Variants in MORC1 observed in about 807,000 individuals in gnomAD.
MORC1 encodes the protein MORC family CW-type zinc finger protein 1.
MORC1 carries 59 observed loss-of-function variants against 134.9 expected under a neutral mutation model. That is an observed-to-expected ratio of 0.44 (90% CI 0.35 to 0.54). The LOEUF is 0.54. Among genes scored for constraint, MORC1 ranks in the 20% least tolerant of loss-of-function variants. The probability of loss-of-function intolerance (pLI) is 0.00; values close to 1 mark genes in which losing one functional copy is unlikely to be tolerated. For synonymous variants in MORC1, 395 were observed against 391.7 expected, an observed-to-expected ratio of 1.01 and a Z score of -0.10; for missense variants, 947 against 1,134.5, an observed-to-expected ratio of 0.83 and a Z score of 2.37.
intron 8 of MORC1, among the ~76,000 whole-genome samples, chr3:109,078,000 GAC>G: frequency 6.6e-6 from 1 of 152,156 alleles, no homozygotes; most frequent in East Asian, 1.9e-4. Context: ...GGAAATAACA[GAC>G]ACAGACGGGC....
intron 14 of MORC1, among the ~76,000 whole-genome samples, chr3:109,043,186 TGTG>T (rs1949598389): frequency 2.1e-4 from 3 of 13,970 alleles, no homozygotes; most frequent in South Asian, 4.5e-3. Flanking sequence ...TGTGGCAAAA[TGTG>T]GGGGGGGGGG....
At chr3:108,995,785 G>C (rs893349941) in intron 21 of MORC1, among the ~76,000 whole-genome samples, 1 of 152,104 alleles carries the variant, frequency 6.6e-6, no homozygotes. Context: ...CATGGATGAT[G>C]GATTGGTCTT....
chr3:109,003,262 C>CATAT (rs60788462), intron 20 of MORC1, among the ~76,000 whole-genome samples: 6,740 of 149,528 alleles, frequency 0.045, 313 homozygotes, highest in Middle Eastern at 0.11. Flanking sequence ...TAAAATTATA[C>CATAT]ATATATATAT....
At chr3:108,994,540 T>C (rs1310723559) in intron 21 of MORC1, among the ~76,000 whole-genome samples, 8 of 152,150 alleles carry the variant, frequency 5.3e-5, no homozygotes, top group Non-Finnish European at 1.2e-4. Flanking sequence ...AAGATTATTA[T>C]TATAAAATAT....
chr3:108,996,284 GCGCACACA>G (rs1177863082), intron 21 of MORC1, among the ~76,000 whole-genome samples: 2 of 77,536 alleles, frequency 2.6e-5, no homozygotes, highest in South Asian at 3.6e-4. Context: ...GTGCGCGCGC[GCGCACACA>G]CACACACACA....
Position 109,004,817 on chromosome 3 carries a change from C to G in MORC1, c.2085G>C (p.Gln695His). 1 of 1,612,830 alleles carries G rather than the reference C, an allele frequency of 6.2e-7. No homozygotes were observed. Among genetic ancestry groups the G allele is most frequent in the Non-Finnish European group, 8.5e-7 (1 of 1,179,420 alleles). Reference sequence around the variant, plus strand: ...TACAAATTTAAAAGCCTTTTCCCACCTGGGCATTCTTCAGGCACCCTTCAG... The same window carrying G: ...TACAAATTTAAAAGCCTTTTCCCACGTGGGCATTCTTCAGGCACCCTTCAG... Reference protein sequence around the residue: ...QPTEGCLKNAQAASWEMKRKQ... With the variant: ...QPTEGCLKNAHAASWEMKRKQ... The change falls in exon 20 of 28, where the codon CAG (glutamine) becomes CAC (histidine). Residue 695 changes from glutamine (Q) to histidine (H), a missense_variant and splice_region_variant. Transcript: ENST00000232603.
chr3:109,002,764 C>T (rs560136909), intron 20 of MORC1, among the ~76,000 whole-genome samples: 32 of 152,266 alleles, frequency 2.1e-4, no homozygotes, highest in Admixed American at 1.8e-3. Flanking sequence ...GGTCATGTCA[C>T]TTCCCTGCTT....
intron 4 of MORC1, among the ~76,000 whole-genome samples, chr3:109,101,154 A>G (rs561457359): frequency 6.6e-6 from 1 of 152,302 alleles, no homozygotes; most frequent in South Asian, 2.1e-4. Context: ...AAACAAATGA[A>G]ATGAGATGAT....
chr3:109,011,683 G>A (rs1576630215), intron 17 of MORC1, among the ~76,000 whole-genome samples: 2 of 152,052 alleles, frequency 1.3e-5, no homozygotes, highest in African/African-American at 4.8e-5. Context: ...CACCACGCCT[G>A]GCTAATTTTG....
chr3:109,082,130 C>T (rs756275218), intron 8 of MORC1, among the ~76,000 whole-genome samples: 4 of 152,038 alleles, frequency 2.6e-5, no homozygotes, highest in Non-Finnish European at 5.9e-5. Flanking sequence ...GGGGAATCCC[C>T]CTTAGGACTT....
intron 9 of MORC1, among the ~76,000 whole-genome samples, chr3:109,065,707 C>A (rs1355023458): frequency 6.6e-6 from 1 of 152,188 alleles, no homozygotes; most frequent in Non-Finnish European, 1.5e-5. Context: ...CCAAAAGACA[C>A]ACACACTCAT....
At chr3:109,066,278 CTCTTTTTT>C (rs1950193098) in intron 9 of MORC1, among the ~76,000 whole-genome samples, 1 of 149,792 alleles carries the variant, frequency 6.7e-6, no homozygotes, top group African/African-American at 2.5e-5. Context: ...CAGGAATTTT[CTCTTTTTT>C]TCTTTTTTTT....
intron 8 of MORC1, among the ~76,000 whole-genome samples, chr3:109,078,081 A>G (rs1320199856): frequency 2.0e-5 from 3 of 152,138 alleles, no homozygotes; most frequent in African/African-American, 7.2e-5. Context: ...AGACAAATAG[A>G]TAACAAAAAC....
At chr3:109,062,471 A>G (rs1377789594) in intron 10 of MORC1, among the ~76,000 whole-genome samples, 1 of 145,744 alleles carries the variant, frequency 6.9e-6, no homozygotes, top group Non-Finnish European at 1.5e-5. Flanking sequence ...CCCAGGCTGG[A>G]GTGCAGTGGC....
chr3:109,107,612 G>C (rs1364875656), intron 3 of MORC1, among the ~76,000 whole-genome samples: 3 of 152,184 alleles, frequency 2.0e-5, no homozygotes, highest in African/African-American at 7.2e-5. Context: ...TTAGTTGACA[G>C]AAATTTAAGA....
intron 6 of MORC1, among the ~76,000 whole-genome samples, chr3:109,097,443 A>AG (rs1950849936): frequency 6.6e-6 from 1 of 152,220 alleles, no homozygotes; most frequent in Non-Finnish European, 1.5e-5. Flanking sequence ...TCACTGGAGA[A>AG]CATGCTGTAC....
At chr3:109,073,008 A>C (rs187431157) in intron 8 of MORC1, among the ~76,000 whole-genome samples, 2 of 151,958 alleles carry the variant, frequency 1.3e-5, no homozygotes, top group Non-Finnish European at 1.5e-5. Context: ...ATGTGGGGAA[A>C]GAGGAGAGTA....
At chr3:109,072,975 ACAC>A (rs1950351159) in intron 8 of MORC1, among the ~76,000 whole-genome samples, 1 of 151,040 alleles carries the variant, frequency 6.6e-6, no homozygotes, top group Admixed American at 6.6e-5. Flanking sequence ...ATACACACAC[ACAC>A]ACACACAGTC....
chr3:109,040,485 A>AG (rs1949509304), intron 14 of MORC1, among the ~76,000 whole-genome samples: 1 of 114,528 alleles, frequency 8.7e-6, no homozygotes, highest in Non-Finnish European at 1.8e-5. Flanking sequence ...AGAAAGAAAG[A>AG]AAGGAAAGAA....
Sources: allele counts gnomAD v4.1 joint callset (sites outside exome capture counted in the v4.1 genomes callset), GRCh38; gene constraint gnomAD v4.1.1; transcripts MANE v1.5; gene names NCBI Gene and HGNC (gene_info 2026-07-23, HGNC 2026-07-21).